Variants in PRDM16 observed in about 807,000 individuals in gnomAD.
The protein encoded by PRDM16 is histone-lysine N-methyltransferase PRDM16.
PRDM16 carries 23 observed loss-of-function variants against 110.6 expected under a neutral mutation model. That is an observed-to-expected ratio of 0.21 (90% confidence interval 0.15 to 0.29). The LOEUF is 0.29. PRDM16 is among the 10% of genes least tolerant of loss of function. The probability of loss-of-function intolerance (pLI) is 1.00; values close to 1 mark genes in which losing one functional copy is unlikely to be tolerated. For synonymous variants in PRDM16, 799 were observed against 781.8 expected, an observed-to-expected ratio of 1.02 and a Z score of -0.37; for missense variants, 1,615 against 1,794.3, an observed-to-expected ratio of 0.90 and a Z score of 1.81.
intron 1 of PRDM16, among the ~76,000 whole-genome samples, chr1:3,088,983 A>T (rs1642212977): frequency 6.6e-6 from 1 of 150,828 alleles, no homozygotes; most frequent in Admixed American, 6.6e-5. Context: ...GGGTTTCACC[A>T]TGTTGGCCAG....
At chr1:3,337,027 GTC>G (rs1001700611) in intron 3 of PRDM16, among the ~76,000 whole-genome samples, 34 of 151,822 alleles carry the variant, frequency 2.2e-4, no homozygotes, top group African/African-American at 8.0e-4. Flanking sequence ...GTTGGAGTGA[GTC>G]TGTGTGTGCA....
Position 3,190,979 on chromosome 1 carries a change from G to A in PRDM16, c.387+4505G>A, listed in dbSNP as rs970637883. 3.9e-5 allele frequency among the ~76,000 whole-genome samples: 6 copies of A among 152,148 alleles called. No individual in the cohort carries two copies. The highest frequency in any genetic ancestry group is 6.5e-5 in the Admixed American group (1 of 15,292). On this transcript the variant is annotated intron_variant, in intron 2 of 16. Coordinates refer to ENST00000270722, the MANE Select transcript of PRDM16 (RefSeq NM_022114.4). The surrounding 1 kb of genome is among the most constrained non-coding windows in gnomAD (Gnocchi z 5.0). ...GGGTCCTGCAGCTTGGGGCCTGCTGGGGCGGGATCCCGCAGGACCCCCAGG... is the reference window on the plus strand; with the variant it reads ...GGGTCCTGCAGCTTGGGGCCTGCTGAGGCGGGATCCCGCAGGACCCCCAGG...
Position 3,335,828 on chromosome 1 carries a change from C to T in PRDM16, c.439-49324C>T, listed in dbSNP as rs949374097. Among the ~76,000 whole-genome samples, 21 of 152,352 alleles carry T rather than the reference C, an allele frequency of 1.4e-4. 1 individual carries two copies. In the East Asian group the frequency reaches 1.7e-3, roughly 13 times the overall value. ...CCCCTGGCACCCCAGCCACCTCTGC[C>T]CAGGTTCACAGGAGGCCCGGGGGCC... On this transcript the variant is annotated intron_variant, in intron 3 of 16. Coordinates refer to ENST00000270722, the MANE Select transcript of PRDM16 (RefSeq NM_022114.4).
chr1:3,361,354 C>T (rs1349760799), intron 3 of PRDM16, among the ~76,000 whole-genome samples: 6 of 152,188 alleles, frequency 3.9e-5, no homozygotes, highest in African/African-American at 1.4e-4. Flanking sequence ...CCACACTGAG[C>T]ACTCATGGCC....
At chr1:3,268,990 C>T (rs578112220) in intron 3 of PRDM16, among the ~76,000 whole-genome samples, 1 of 152,374 alleles carries the variant, frequency 6.6e-6, no homozygotes, top group East Asian at 1.9e-4. Context: ...GGAGCCTGTC[C>T]AGGCCCCCAG....
At chr1:3,193,522 G>C (rs1638372840) in intron 2 of PRDM16, among the ~76,000 whole-genome samples, 1 of 152,200 alleles carries the variant, frequency 6.6e-6, no homozygotes, top group African/African-American at 2.4e-5. Context: ...TTGCACCCCT[G>C]GAGCTGTCCA....
In PRDM16 at chr1:3,435,550, T is replaced by C. The variant is rs933775244; in HGVS notation, c.*1739T>C. On this transcript the variant is annotated 3_prime_UTR_variant, in exon 17 of 17. Transcript: ENST00000270722. ...TTGTATTGTTTGGAAGAAAAAATGA[T>C]GATAGAGTCCCAAAAAGAAGAGAAA... 1.7e-5 allele frequency: 4 copies of C among 232,092 alleles called. No individual in the cohort carries two copies. Among genetic ancestry groups the C allele is most frequent in the Non-Finnish European group, 3.4e-5 (4 of 117,548 alleles). 14.4% of individuals were successfully genotyped at this position (232,092 alleles called of 1,614,324 possible).
chr1:3,291,918 C>T (rs1640981236), intron 3 of PRDM16, among the ~76,000 whole-genome samples: 1 of 152,234 alleles, frequency 6.6e-6, no homozygotes, highest in African/African-American at 2.4e-5. Context: ...CCCAGGGCCC[C>T]TCCTGGGCCT....
intron 1 of PRDM16, among the ~76,000 whole-genome samples, chr1:3,107,081 G>A (rs773819089): frequency 6.6e-6 from 1 of 152,270 alleles, no homozygotes; most frequent in Non-Finnish European, 1.5e-5. Context: ...TCATCAGGGT[G>A]GGGCCAGTAG....
intron 3 of PRDM16, among the ~76,000 whole-genome samples, chr1:3,292,002 G>C (rs902154358): frequency 2.0e-5 from 3 of 152,220 alleles, no homozygotes; most frequent in Non-Finnish European, 2.9e-5. Context: ...CCCTCAAGAT[G>C]CCTTTACATC....
intron 3 of PRDM16, among the ~76,000 whole-genome samples, chr1:3,267,733 G>T (rs548744799): frequency 1.3e-5 from 2 of 152,324 alleles, no homozygotes; most frequent in South Asian, 4.1e-4. Flanking sequence ...TCTGAAAGTT[G>T]AGCAGAGCGC....
At chr1:3,414,705 C>A in intron 10 of PRDM16, 58 bp downstream of exon 10, 1 of 1,386,316 alleles carries the variant, frequency 7.2e-7, no homozygotes, top group Non-Finnish European at 1.0e-6. Flanking sequence ...GGCCCCATCT[C>A]CCGGCTGTCG....
At chr1:3,383,536 G>A (rs976767183) in intron 3 of PRDM16, among the ~76,000 whole-genome samples, 31 of 152,288 alleles carry the variant, frequency 2.0e-4, no homozygotes, top group African/African-American at 7.0e-4. Context: ...ACCGGGGCAC[G>A]TGGACCACAT....
At chr1:3,077,473 G>A (rs907578641) in intron 1 of PRDM16, among the ~76,000 whole-genome samples, 2 of 152,236 alleles carry the variant, frequency 1.3e-5, no homozygotes, top group Admixed American at 6.5e-5. Flanking sequence ...TTGAAGTGCT[G>A]CGATGTGTGC....
chr1:3,076,143 A>G (rs1641893845), intron 1 of PRDM16, among the ~76,000 whole-genome samples: 1 of 152,190 alleles, frequency 6.6e-6, no homozygotes, highest in Non-Finnish European at 1.5e-5. Flanking sequence ...CAGGCTTCCC[A>G]GCACACTGTG....
intron 3 of PRDM16, among the ~76,000 whole-genome samples, chr1:3,280,651 C>T (rs1640694269): frequency 6.6e-6 from 1 of 152,222 alleles, no homozygotes. Flanking sequence ...GTCACACTGG[C>T]ACCAACTAAG....
intron 9 of PRDM16, among the ~76,000 whole-genome samples, chr1:3,414,054 C>T (rs543125690): frequency 6.6e-6 from 1 of 152,316 alleles, no homozygotes; most frequent in South Asian, 2.1e-4. Context: ...GGGGCCGGGT[C>T]AGAGAAGGAG....
At chr1:3,106,110 C>G (rs1642645933) in intron 1 of PRDM16, among the ~76,000 whole-genome samples, 1 of 152,142 alleles carries the variant, frequency 6.6e-6, no homozygotes. Flanking sequence ...GATGCCAGCC[C>G]AGCTCCCCAC....
intron 3 of PRDM16, among the ~76,000 whole-genome samples, chr1:3,365,129 G>A (rs978546984): frequency 6.6e-6 from 1 of 152,206 alleles, no homozygotes; most frequent in Non-Finnish European, 1.5e-5. Context: ...TTCCTTTTGG[G>A]TCTGTTCAGG....
Sources: gnomAD v4.1 joint callset for allele counts (sites outside exome capture counted in the v4.1 genomes callset) on GRCh38, gnomAD v4.1.1 for gene constraint, Gnocchi (gnomAD v3.1) non-coding constraint, MANE v1.5 for transcripts, NCBI Gene and HGNC (gene_info 2026-07-23, HGNC 2026-07-21) for gene names.